Variants in CPSF1 observed in about 807,000 individuals in gnomAD.
CPSF1 encodes cleavage and polyadenylation specificity factor subunit 1.
CPSF1 carries 106 observed loss-of-function variants against 175.8 expected under a neutral mutation model. The observed-to-expected ratio is 0.60, with a 90% confidence interval of 0.52 to 0.71. The LOEUF (loss-of-function observed/expected upper bound fraction) is 0.71, where lower values mean the gene tolerates loss of function less well. Among genes scored for constraint, CPSF1 ranks in the 30% least tolerant of loss-of-function variants. The pLI, the probability that CPSF1 is intolerant of heterozygous loss-of-function variation, is 0.00. For missense variants in CPSF1, 1,734 were observed against 2,022.9 expected, an observed-to-expected ratio of 0.86 and a Z score of 2.74; for synonymous variants, 1,024 against 858.3, an observed-to-expected ratio of 1.19 and a Z score of -3.37.
At chr8:144,407,561 C>T (rs1315520943) in intron 2 of CPSF1, among the ~76,000 whole-genome samples, 2 of 152,120 alleles carry the variant, frequency 1.3e-5, no homozygotes, top group Non-Finnish European at 2.9e-5. Context: ...GTGTCACACA[C>T]CTGTAATCCC....
chr8:144,406,630 T>G (rs1821510821), intron 2 of CPSF1, among the ~76,000 whole-genome samples: 1 of 152,184 alleles, frequency 6.6e-6, no homozygotes, highest in Non-Finnish European at 1.5e-5. Context: ...CAGACCTCAA[T>G]CCTCAATTCT....
rs2116884681 is a variant in CPSF1, at chr8:144,401,458, G to A, written c.278C>T (p.Ala93Val). Reference sequence around the variant, plus strand: ...GGCATCCTTGAAGCTTAGGAGCAGGGCATCCCGCTTGGCTCCTGCCAGCTG... The same window carrying A: ...GGCATCCTTGAAGCTTAGGAGCAGGACATCCCGCTTGGCTCCTGCCAGCTG... The part of the protein sequence containing the change: ...SVQLAGAKRD[A>V]LLLSFKDAKL... The change falls in exon 4 of 38, where the codon GCC becomes GTC. Residue 93 changes from alanine to valine, a missense_variant. Ala to Val is a moderately conservative substitution (Grantham distance 64). Transcript: ENST00000616140. 4 of 1,614,024 alleles carry A rather than the reference G, an allele frequency of 2.5e-6. No individual in the cohort carries two copies.
In CPSF1 at chr8:144,401,505, G is replaced by A. The variant is rs2116885109; in HGVS notation, c.231C>T (p.Asn77=). ...ELAASFSFFG[N]VMSMASVQLA... is the part of the protein sequence containing the mutation. ...GCTGCACGCTGGCCATGGACATGAC[G>A]TTGCCAAAGAAGGAGAAGGAGGCAG... Residue 77 remains asparagine (N), a synonymous_variant, in exon 4 of 38, where the codon AAC becomes AAT. Transcript: ENST00000616140. 3.4e-5 allele frequency: 55 copies of A among 1,613,910 alleles called. No homozygotes were observed. The highest frequency in any genetic ancestry group is 6.7e-5 in the African/African-American group (5 of 74,930).
At chr8:144,395,930 C>T (rs1820693362) in intron 26 of CPSF1, 1 of 398,456 alleles carries the variant, frequency 2.5e-6, no homozygotes, top group Non-Finnish European at 4.6e-6. Context: ...GAAGCACTCA[C>T]CGCATCCCAG....
chr8:144,397,315 T>C lies in CPSF1; in HGVS notation c.2484A>G (p.Thr828=), dbSNP rs782290017. ...LVDSSFGQPT[T]QGEARREEAT... is the part of the protein sequence containing the mutation. ...CCTCCTCCCTGCGGGCCTCGCCCTG[T>C]GTAGTGGGCTGTCCAAAGGAGCTGT... The change falls in exon 23 of 38, where the codon ACA becomes ACG. Residue 828 remains threonine, a synonymous_variant. Coordinates refer to ENST00000616140, the MANE Select transcript of CPSF1 (RefSeq NM_013291.3). 4.5e-6 allele frequency: 7 copies of C among 1,554,052 alleles called. No individual in the cohort carries two copies. The highest frequency in any genetic ancestry group is 6.1e-6 in the Non-Finnish European group (7 of 1,149,350).
intron 35 of CPSF1, 21 bp from the exon 36 acceptor site, chr8:144,393,817 GT>G: frequency 6.2e-7 from 1 of 1,601,038 alleles, no homozygotes. Context: ...TAGGGTGAGG[GT>G]TTTGGTGTGA....
chr8:144,394,178 A>G lies in CPSF1; in HGVS notation c.3812-18T>C. The G allele has an allele frequency of 1.2e-6, 2 of 1,612,584 alleles. No individual in the cohort carries two copies. Among genetic ancestry groups the G allele is most frequent in the Non-Finnish European group, 1.7e-6 (2 of 1,179,878 alleles). ...GTCAGACACTGGGGAGCAGAGGCCC[A>G]GGGTCAGCCCCGGCCACCCCCAGAG... is the stretch of plus-strand genomic sequence containing the variant. On this transcript the variant is annotated intron_variant, in intron 33 of 37. Coordinates refer to ENST00000616140, the MANE Select transcript of CPSF1 (RefSeq NM_013291.3).
rs138794247 is a variant in CPSF1 at position 144,409,108 on chromosome 8, G to A, written c.51C>T (p.Ser17=). 9 of 1,613,840 alleles carry A rather than the reference G, an allele frequency of 5.6e-6. No homozygotes were observed. Among genetic ancestry groups the A allele is most frequent in the African/African-American group, 2.7e-5 (2 of 75,070 alleles). ...QAHPPTGLEF[S]MYCNFFNNSE... ...TGTTGTTGAAGAAGTTGCAGTACATGGAGAACTCCAGACCGGTGGGCGGAT... is the reference window on the plus strand; with the variant it reads ...TGTTGTTGAAGAAGTTGCAGTACATAGAGAACTCCAGACCGGTGGGCGGAT... Residue 17 remains serine, a synonymous_variant, in exon 2 of 38, where the codon TCC becomes TCT. Transcript: ENST00000616140.
chr8:144,399,658 G>C lies in CPSF1; in HGVS notation c.1172C>G (p.Ser391Cys), dbSNP rs1554865653. The C allele has an allele frequency of 6.2e-7, 1 of 1,610,502 alleles. No individual in the cohort carries two copies. Among genetic ancestry groups the C allele is most frequent in the African/African-American group, 1.3e-5 (1 of 74,852 alleles). ...CTTCTCCGTGTACTTGAGGAGGAGGGAATTGCCCAGGCGAGAACCCAGGAA... is the reference window on the plus strand; with the variant it reads ...CTTCTCCGTGTACTTGAGGAGGAGGCAATTGCCCAGGCGAGAACCCAGGAA... Reference protein sequence around the residue: ...YLFLGSRLGNSLLLKYTEKLQ... With the variant: ...YLFLGSRLGNCLLLKYTEKLQ... The change falls in exon 12 of 38, where the codon TCC (serine) becomes TGC (cysteine). Residue 391 changes from serine to cysteine, a missense_variant. Coordinates refer to ENST00000616140, the MANE Select transcript of CPSF1 (RefSeq NM_013291.3). This position sits in a 1 kb window ranked among gnomAD's most constrained non-coding sequence, Gnocchi z 6.4.
In CPSF1 at chr8:144,397,985, C is replaced by T. The variant is rs1820880668; in HGVS notation, c.2042G>A (p.Arg681His). ...KSDSYGGRHH[R>H]LALHKPPLHH... is the part of the protein sequence containing the mutation. ...CAGCGGGGGCTTGTGCAGCGCCAGG[C>T]GGTGGTGGCGGCCACCGTAGGAGTC... Residue 681 changes from arginine (R) to histidine (H), a missense_variant, in exon 20 of 38, where the codon CGC becomes CAC. Transcript: ENST00000616140. The T allele has an allele frequency of 6.2e-7, 1 of 1,610,404 alleles. No homozygotes were observed. Among genetic ancestry groups the T allele is most frequent in the Non-Finnish European group, 8.5e-7 (1 of 1,179,280 alleles).
chr8:144,398,476 C>A (rs2116850216), intron 18 of CPSF1, 33 bp from the exon 19 acceptor site: 1 of 1,611,078 alleles, frequency 6.2e-7, no homozygotes, highest in Non-Finnish European at 8.5e-7. Context: ...AGGCGCCCCC[C>A]GCAGGGGACC....
chr8:144,397,130 G>T (rs1294675112), intron 23 of CPSF1, 77 bp downstream of exon 23: 42 of 1,374,142 alleles, frequency 3.1e-5, no homozygotes, highest in Non-Finnish European at 4.1e-5. Context: ...TGGAGCCACG[G>T]GAAGGGGCGG....
Position 144,396,742 on chromosome 8 carries a change from C to T in CPSF1, c.2683-1G>A. 6.2e-7 allele frequency: 1 copy of T among 1,613,894 alleles called. No homozygotes were observed. The highest frequency in any genetic ancestry group is 1.3e-5 in the African/African-American group (1 of 75,026). On this transcript the variant is annotated splice_acceptor_variant, in intron 24 of 37. Transcript: ENST00000616140. LOFTEE classifies it high-confidence loss of function. The stretch of plus-strand genomic sequence containing the variant: ...CACGGAAGTTGATGTTGTGAGGGAC[C>T]TGGGGGGGAACCATGCAGGTCCTCC...
chr8:144,394,369 A>C lies in CPSF1; in HGVS notation c.3744+10T>G. ...CCACCCAGACACGAGCACCGCCGCCACAGGTGTACCCGCGACACCAGGCTC... is the reference window on the plus strand; with the variant it reads ...CCACCCAGACACGAGCACCGCCGCCCCAGGTGTACCCGCGACACCAGGCTC... On this transcript the variant is annotated intron_variant, in intron 32 of 37. Transcript: ENST00000616140. 1 of 1,597,544 alleles carries C rather than the reference A, an allele frequency of 6.3e-7. No individual in the cohort carries two copies. Among genetic ancestry groups the C allele is most frequent in the Non-Finnish European group, 8.5e-7 (1 of 1,170,080 alleles).
In CPSF1 at chr8:144,393,241, AAT is replaced by A; in HGVS notation, c.*75_*76del. ...GACCACACACTCCTCTCAAGCAAAA[AAT>A]GTTTTTCCTTGTGTTTTGTACAAAA... On this transcript the variant is annotated 3_prime_UTR_variant, in exon 38 of 38. Coordinates refer to ENST00000616140, the MANE Select transcript of CPSF1 (RefSeq NM_013291.3). 3 of 1,417,788 alleles carry A rather than the reference AAT, an allele frequency of 2.1e-6. No individual in the cohort carries two copies. Among genetic ancestry groups the A allele is most frequent in the South Asian group, 1.5e-5 (1 of 68,852 alleles). The allele number at this position is 1,417,788 out of a possible 1,614,324, so 87.8% of individuals were successfully genotyped here. A position where few individuals can be genotyped will look rare whatever the true frequency, so the allele number is the denominator to read the frequency against.
In CPSF1 at chr8:144,393,848, C is replaced by T. The variant is rs201604645; in HGVS notation, c.4015+35G>A. ...GTGTGAGCCAGGCCAACCCTAGGGC[C>T]CCCCACCCAGACACACCTGCTCCCC... On this transcript the variant is annotated intron_variant, in intron 35 of 37. Coordinates refer to ENST00000616140, the MANE Select transcript of CPSF1 (RefSeq NM_013291.3). 208 of 1,601,248 alleles carry T rather than the reference C, an allele frequency of 1.3e-4. No individual in the cohort carries two copies. In the East Asian group the frequency reaches 3.7e-3, roughly 28 times the overall value.
chr8:144,396,483 G>A lies in CPSF1; in HGVS notation c.2844C>T (p.Pro948=), dbSNP rs1458237845. The change falls in exon 26 of 38, where the codon CCC becomes CCT. Residue 948 remains proline, a synonymous_variant. Transcript: ENST00000616140. ...YGYSGVFICG[P]SPHWLLVTGR... ...CGGTCACCAAGAGCCAGTGAGGGGA[G>A]GGGCCGCAGATGAAGACCTGGGGGC... is the stretch of plus-strand genomic sequence containing the variant. The A allele has an allele frequency of 3.7e-6, 6 of 1,609,212 alleles. No individual in the cohort carries two copies. Among genetic ancestry groups the A allele is most frequent in the South Asian group, 1.1e-5 (1 of 90,718 alleles).
chr8:144,399,234 G>A lies in CPSF1; in HGVS notation c.1393-32C>T, dbSNP rs2116860711. The stretch of plus-strand genomic sequence containing the variant: ...CACAGCAAGAGTCAGGGGCCCGCTG[G>A]GGGCGCTGGCTGGGACGGGGGCCCT... On this transcript the variant is annotated intron_variant, in intron 14 of 37. Transcript: ENST00000616140. This position sits in a 1 kb window ranked among gnomAD's most constrained non-coding sequence, Gnocchi z 6.4. 1.2e-6 allele frequency: 2 copies of A among 1,611,994 alleles called. No individual in the cohort carries two copies. Among genetic ancestry groups the A allele is most frequent in the South Asian group, 2.2e-5 (2 of 90,836 alleles).
rs2116881196 is a variant in CPSF1, at chr8:144,401,081, G to A, written c.388-6C>T. 1 of 1,605,340 alleles carries A rather than the reference G, an allele frequency of 6.2e-7. No homozygotes were observed. The highest frequency in any genetic ancestry group is 1.7e-5 in the Admixed American group (1 of 59,650). On this transcript the variant is annotated splice_region_variant and splice_polypyrimidine_tract_variant and intron_variant, in intron 5 of 37. Coordinates refer to ENST00000616140, the MANE Select transcript of CPSF1 (RefSeq NM_013291.3). Reference sequence around the variant, plus strand: ...ACATTCTGCACAAACCCGTCCTGGGGGCAGAGGGGGCATCAGCCAGGCCCA... The same window carrying A: ...ACATTCTGCACAAACCCGTCCTGGGAGCAGAGGGGGCATCAGCCAGGCCCA...
Sources: allele counts gnomAD v4.1 joint callset (sites outside exome capture counted in the v4.1 genomes callset), GRCh38; gene constraint gnomAD v4.1.1; non-coding constraint Gnocchi (gnomAD v3.1); transcripts MANE v1.5; gene names NCBI Gene and HGNC (gene_info 2026-07-23, HGNC 2026-07-21).